Variants in CTNNB1 observed in about 807,000 individuals in gnomAD.
CTNNB1 encodes the protein catenin beta 1, also known as catenin beta-1.
CTNNB1 carries 6 observed loss-of-function variants against 82.5 expected under a neutral mutation model. That is an observed-to-expected ratio of 0.07 (90% CI 0.04 to 0.14). The LOEUF is 0.14. Among genes scored for constraint, CTNNB1 ranks in the 10% least tolerant of loss-of-function variants. CTNNB1 has a pLI of 1.00. For missense variants in CTNNB1, 529 were observed against 980.4 expected (o/e 0.54, Z 6.15); for synonymous variants, 312 against 329.7 (o/e 0.95, Z 0.58).
chr3:41,203,528 G>GA (rs2077582562), intron 1 of CTNNB1, among the ~76,000 whole-genome samples: 2 of 151,946 alleles, frequency 1.3e-5, no homozygotes, highest in South Asian at 2.1e-4. Context: ...GAAATTCTCA[G>GA]AAAAAAATTA....
intron 13 of CTNNB1, 75 bp from the exon 14 acceptor site, chr3:41,237,941 T>A: frequency 8.0e-7 from 1 of 1,245,712 alleles, no homozygotes; most frequent in Non-Finnish European, 1.2e-6. Flanking sequence ...AAGTATGCTT[T>A]AAAAAAAATT....
At chr3:41,201,633 C>T (rs932187639) in intron 1 of CTNNB1, among the ~76,000 whole-genome samples, 1 of 151,952 alleles carries the variant, frequency 6.6e-6, no homozygotes, top group East Asian at 1.9e-4. Context: ...ACTTTAGAGT[C>T]CTGTGGAGTC....
chr3:41,209,087 A>G (rs999227394), intron 1 of CTNNB1, among the ~76,000 whole-genome samples: 3 of 152,160 alleles, frequency 2.0e-5, no homozygotes, highest in African/African-American at 4.8e-5. Context: ...ATGCCTTTTC[A>G]TTGGTTTCCA....
intron 1 of CTNNB1, among the ~76,000 whole-genome samples, chr3:41,202,655 C>T (rs970639462): frequency 6.6e-6 from 1 of 152,148 alleles, no homozygotes; most frequent in Non-Finnish European, 1.5e-5. Flanking sequence ...TTGTCCTTCT[C>T]TAACAGACTA....
At chr3:41,223,230 A>G (rs763933655) in intron 1 of CTNNB1, among the ~76,000 whole-genome samples, 1 of 152,202 alleles carries the variant, frequency 6.6e-6, no homozygotes, top group Non-Finnish European at 1.5e-5. Flanking sequence ...ATGAGCCCTT[A>G]AACTGTTCTA....
At chr3:41,207,852 G>A (rs942283843) in intron 1 of CTNNB1, among the ~76,000 whole-genome samples, 3 of 152,192 alleles carry the variant, frequency 2.0e-5, no homozygotes, top group Non-Finnish European at 2.9e-5. Flanking sequence ...TCTCTCAAGT[G>A]GTGAATTTTT....
In CTNNB1 at chr3:41,234,271, A is replaced by C; in HGVS notation, c.1657A>C (p.Met553Leu). Reference protein sequence around the residue: ...AHQDTQRRTSMGGTQQQFVEG... With the variant: ...AHQDTQRRTSLGGTQQQFVEG... ...TCAGGATACCCAGCGCCGTACGTCC[A>C]TGGGTGGGACACAGCAGCAATTTGT... The change falls in exon 10 of 15, where the codon ATG becomes CTG. Residue 553 changes from methionine to leucine, a missense_variant. Physicochemically the swap from Met to Leu is conservative, Grantham distance 15. Coordinates refer to ENST00000349496, the MANE Select transcript of CTNNB1 (RefSeq NM_001904.4). 6.2e-7 allele frequency: 1 copy of C among 1,614,182 alleles called. No individual in the cohort carries two copies. Among genetic ancestry groups the C allele is most frequent in the South Asian group, 1.1e-5 (1 of 91,084 alleles).
At chr3:41,204,916 T>C (rs1186954154) in intron 1 of CTNNB1, among the ~76,000 whole-genome samples, 4 of 152,206 alleles carry the variant, frequency 2.6e-5, no homozygotes, top group Admixed American at 2.0e-4. Context: ...GGAAATGCCT[T>C]GTGTCAATTG....
chr3:41,228,354 C>G (rs2078226783), intron 7 of CTNNB1, among the ~76,000 whole-genome samples: 1 of 152,134 alleles, frequency 6.6e-6, no homozygotes, highest in Admixed American at 6.5e-5. Flanking sequence ...TAAGCATTCT[C>G]TTTTCTCAGC....
intron 9 of CTNNB1, 133 bp downstream of exon 9, chr3:41,234,000 C>T (rs771643860): frequency 7.1e-6 from 10 of 1,416,706 alleles, no homozygotes; most frequent in South Asian, 5.8e-5. Context: ...AGTATGGCTG[C>T]GATAGGGGTA....
chr3:41,219,530 G>A (rs1234068487), intron 1 of CTNNB1, among the ~76,000 whole-genome samples: 1 of 152,184 alleles, frequency 6.6e-6, no homozygotes, highest in Non-Finnish European at 1.5e-5. Context: ...TACATTACAT[G>A]TAGCAAATAA....
rs1341562600 is a variant in CTNNB1 at position 41,216,569 on chromosome 3, T to C, written c.-48-7452T>C. 3.3e-5 allele frequency among the ~76,000 whole-genome samples: 5 copies of C among 152,264 alleles called. No homozygotes were observed. The East Asian group carries it at 9.6e-4, about 29-fold the overall frequency. ...ACTTTTTTTATTTATAGCAGTTTGT[T>C]TTTGCCTTGAGGCAAGATGGTTGAC... is the stretch of plus-strand genomic sequence containing the variant. On this transcript the variant is annotated intron_variant, in intron 1 of 14. Coordinates refer to ENST00000349496, the MANE Select transcript of CTNNB1 (RefSeq NM_001904.4).
rs2078522314 is a variant in CTNNB1, at chr3:41,239,501, T to C, written c.*159T>C. 1 of 656,578 alleles carries C rather than the reference T, an allele frequency of 1.5e-6. No homozygotes were observed. The highest frequency in any genetic ancestry group is 2.7e-6 in the Non-Finnish European group (1 of 369,092). The allele number at this position is 656,578 out of a possible 1,614,324, so 40.7% of individuals were successfully genotyped here. On this transcript the variant is annotated 3_prime_UTR_variant, in exon 15 of 15. Coordinates refer to ENST00000349496, the MANE Select transcript of CTNNB1 (RefSeq NM_001904.4). ...GGTATATACTTTGAAAGGAGATGTCTTGGAACATTGGAATGTTCTCAGATT... is the reference window on the plus strand; with the variant it reads ...GGTATATACTTTGAAAGGAGATGTCCTGGAACATTGGAATGTTCTCAGATT...
rs1418123163 is a variant in CTNNB1 at position 41,239,983 on chromosome 3, GCTCT to G, written c.*642_*645del. 7.4e-5 allele frequency: 6 copies of G among 81,558 alleles called. No homozygotes were observed. The highest frequency in any genetic ancestry group is 5.8e-4 in the East Asian group (4 of 6,908). 5.1% of individuals were successfully genotyped at this position (81,558 alleles called of 1,614,324 possible). A position where few individuals can be genotyped will look rare whatever the true frequency, so the allele number is the denominator to read the frequency against. On this transcript the variant is annotated 3_prime_UTR_variant, in exon 15 of 15. Coordinates refer to ENST00000349496, the MANE Select transcript of CTNNB1 (RefSeq NM_001904.4). ...TACTGACTTTGCTTGCTTTGAAGTA[GCTCT>G]TTTTTTTTTTTTTTTTTTTTTTTTG... is the stretch of plus-strand genomic sequence containing the variant.
At position 41,234,216 on chromosome 3, in the gene CTNNB1, A is replaced by T. The variant is rs2125641984; in HGVS notation, c.1602A>T (p.Pro534=). ...HAPLREQGAI[P]RLVQLLVRAH... ...CTTTGCGTGAGCAGGGTGCCATTCCACGACTAGTTCAGTTGCTTGTTCGTG... is the reference window on the plus strand; with the variant it reads ...CTTTGCGTGAGCAGGGTGCCATTCCTCGACTAGTTCAGTTGCTTGTTCGTG... The change falls in exon 10 of 15, where the codon CCA becomes CCT. Residue 534 remains proline (P), a synonymous_variant. Coordinates refer to ENST00000349496, the MANE Select transcript of CTNNB1 (RefSeq NM_001904.4). 6.2e-7 allele frequency: 1 copy of T among 1,614,206 alleles called. No homozygotes were observed. Among genetic ancestry groups the T allele is most frequent in the Non-Finnish European group, 8.5e-7 (1 of 1,180,038 alleles).
intron 1 of CTNNB1, among the ~76,000 whole-genome samples, chr3:41,208,350 T>G (rs969522010): frequency 6.6e-6 from 1 of 152,212 alleles, no homozygotes; most frequent in African/African-American, 2.4e-5. Context: ...GGTCTCTTAG[T>G]TCCTTGATTT....
chr3:41,199,847 G>A (rs2077481614), intron 1 of CTNNB1, 177 bp downstream of exon 1: 1 of 151,622 alleles, frequency 6.6e-6, no homozygotes, highest in Admixed American at 6.6e-5. Context: ...GGGGCGCGGA[G>A]GGCGGCGGCC....
Position 41,234,440 on chromosome 3 carries a change from C to A in CTNNB1, c.1683+143C>A, listed in dbSNP as rs372899166. 5 of 841,780 alleles carry A rather than the reference C, an allele frequency of 5.9e-6. 1 individual carries two copies. 52.1% of individuals were successfully genotyped at this position (841,780 alleles called of 1,614,324 possible). A position where few individuals can be genotyped will look rare whatever the true frequency, so the allele number is the denominator to read the frequency against. ...GACAAAGTAAATAAATAAATAATTA[C>A]ACATTTCTATGGCTGCAGAGAAAAT... On this transcript the variant is annotated intron_variant, in intron 10 of 14. Transcript: ENST00000349496.
Position 41,236,329 on chromosome 3 carries a change from T to C in CTNNB1, c.1804-20T>C. ...TTTAGCTTTAGATTTAATTAGGTTT[T>C]GTTTGTGTTTTCTCCTTAGCTGCTT... On this transcript the variant is annotated intron_variant, in intron 11 of 14. Coordinates refer to ENST00000349496, the MANE Select transcript of CTNNB1 (RefSeq NM_001904.4). The C allele has an allele frequency of 6.2e-7, 1 of 1,614,138 alleles. No homozygotes were observed. Among genetic ancestry groups the C allele is most frequent in the Non-Finnish European group, 8.5e-7 (1 of 1,179,970 alleles).
Sources: allele counts gnomAD v4.1 joint callset (sites outside exome capture counted in the v4.1 genomes callset), GRCh38; gene constraint gnomAD v4.1.1; transcripts MANE v1.5; gene names NCBI Gene and HGNC (gene_info 2026-07-23, HGNC 2026-07-21).